TGM2: variants seen among roughly 807,000 people sequenced by gnomAD.
TGM2 encodes transglutaminase 2.
A neutral mutation model predicts 75.6 loss-of-function variants in TGM2; 53 were observed. The observed-to-expected ratio is 0.70, with a 90% CI of 0.56 to 0.88. TGM2 has a LOEUF of 0.88. TGM2 is among the 40% of genes least tolerant of loss of function. TGM2 has a pLI of 0.00. For synonymous variants in TGM2, 374 were observed against 381.1 expected, an observed-to-expected ratio of 0.98 and a Z score of 0.22; for missense variants, 842 against 928.5, an observed-to-expected ratio of 0.91 and a Z score of 1.21.
At chr20:38,132,638 A>C (rs1458713897) in intron 10 of TGM2, 138 bp from the exon 11 acceptor site, 2 of 1,189,048 alleles carry the variant, frequency 1.7e-6, no homozygotes, top group African/African-American at 1.5e-5. Flanking sequence ...GGATCCCTGA[A>C]CTCCCCACTG....
Position 38,129,979 on chromosome 20 carries a change from G to A in TGM2, c.*240C>T. ...TCTCACCCCAGCCCCAGTCAGCCAA[G>A]GTCAGGGCTCCCACTGTTTCTGGCA... is the stretch of plus-strand genomic sequence containing the variant. On this transcript the variant is annotated 3_prime_UTR_variant, in exon 13 of 13. Transcript: ENST00000361475. 1.7e-6 allele frequency: 1 copy of A among 582,672 alleles called. No homozygotes were observed. Among genetic ancestry groups the A allele is most frequent in the Non-Finnish European group, 3.0e-6 (1 of 329,960 alleles). 36.1% of individuals were successfully genotyped at this position (582,672 alleles called of 1,614,324 possible). A position where few individuals can be genotyped will look rare whatever the true frequency, so the allele number is the denominator to read the frequency against.
intron 2 of TGM2, among the ~76,000 whole-genome samples, chr20:38,160,766 T>C (rs1466262624): frequency 2.0e-5 from 3 of 152,160 alleles, no homozygotes; most frequent in Non-Finnish European, 2.9e-5. Context: ...CCTGGCTGGG[T>C]TGCGTGGATT....
chr20:38,130,611 C>T (rs975752740), intron 12 of TGM2, among the ~76,000 whole-genome samples: 7 of 152,206 alleles, frequency 4.6e-5, no homozygotes. Context: ...AGGGGATAGG[C>T]TCAGGTAGCC....
At chr20:38,157,925 G>A (rs1443750409) in intron 2 of TGM2, among the ~76,000 whole-genome samples, 2 of 152,206 alleles carry the variant, frequency 1.3e-5, no homozygotes, top group Non-Finnish European at 2.9e-5. Flanking sequence ...GGACTGGAGT[G>A]GAATGTAGAA....
chr20:38,134,668 T>A (rs1403114733), intron 10 of TGM2, among the ~76,000 whole-genome samples: 2 of 152,150 alleles, frequency 1.3e-5, no homozygotes, highest in Non-Finnish European at 2.9e-5. Context: ...ATTGGCTGCA[T>A]TCCTGTGACC....
intron 11 of TGM2, among the ~76,000 whole-genome samples, chr20:38,131,484 T>C (rs1435336198): frequency 6.6e-6 from 1 of 151,964 alleles, no homozygotes; most frequent in African/African-American, 2.4e-5. Flanking sequence ...GCCTCCCTTG[T>C]CCCAGGGTCT....
intron 2 of TGM2, among the ~76,000 whole-genome samples, chr20:38,156,411 G>T (rs1421992595): frequency 6.6e-6 from 1 of 152,274 alleles, no homozygotes; most frequent in Non-Finnish European, 1.5e-5. Flanking sequence ...GCAATGATGT[G>T]ACTCGGGACA....
chr20:38,138,467 C>T (rs1331608889), intron 9 of TGM2, 82 bp from the exon 10 acceptor site: 3 of 1,606,184 alleles, frequency 1.9e-6, no homozygotes, highest in East Asian at 4.5e-5. Flanking sequence ...GCTGTCTTCG[C>T]AGAGGCCTGA....
At chr20:38,163,197 G>A (rs1281856844) in intron 1 of TGM2, among the ~76,000 whole-genome samples, 1 of 152,160 alleles carries the variant, frequency 6.6e-6, no homozygotes, top group Non-Finnish European at 1.5e-5. Flanking sequence ...CATAAACCTT[G>A]GCAAGCTCAA....
At chr20:38,131,003 G>C in intron 12 of TGM2, 90 bp downstream of exon 12, 1 of 1,587,164 alleles carries the variant, frequency 6.3e-7, no homozygotes, top group South Asian at 1.1e-5. Flanking sequence ...GGGATTTTCA[G>C]CCAGGGCTTG....
At chr20:38,132,573 G>T in intron 10 of TGM2, 73 bp from the exon 11 acceptor site, 1 of 1,577,594 alleles carries the variant, frequency 6.3e-7, no homozygotes, top group Non-Finnish European at 8.7e-7. Flanking sequence ...ACTCCAAGAG[G>T]CACAGAGAGG....
intron 4 of TGM2, 137 bp from the exon 5 acceptor site, chr20:38,148,226 A>T: frequency 8.8e-7 from 1 of 1,138,842 alleles, no homozygotes; most frequent in African/African-American, 1.5e-5. Flanking sequence ...GAGTCTACCA[A>T]ATCTCTCTGG....
Position 38,132,240 on chromosome 20 carries a change from G to C in TGM2, c.1776+100C>G, listed in dbSNP as rs1600477108. On this transcript the variant is annotated intron_variant, in intron 11 of 12. Transcript: ENST00000361475. ...ATCGCTAAGGCACCAAAGGTCTGGAGCTTGCAGGGATGCAGGTGTGTGGGG... is the reference window on the plus strand; with the variant it reads ...ATCGCTAAGGCACCAAAGGTCTGGACCTTGCAGGGATGCAGGTGTGTGGGG... 20 of 1,391,778 alleles carry C rather than the reference G, an allele frequency of 1.4e-5. No individual in the cohort carries two copies. The East Asian group carries it at 4.6e-4, about 32-fold the overall frequency. The allele number at this position is 1,391,778 out of a possible 1,614,324, so 86.2% of individuals were successfully genotyped here.
intron 3 of TGM2, among the ~76,000 whole-genome samples, chr20:38,154,970 G>A (rs1193515022): frequency 6.6e-6 from 1 of 152,238 alleles, no homozygotes; most frequent in Non-Finnish European, 1.5e-5. Flanking sequence ...GCCAGGCGTG[G>A]TGGCACATGC....
intron 5 of TGM2, 21 bp from the exon 6 acceptor site, chr20:38,146,915 C>T (rs1213630421): frequency 1.7e-5 from 27 of 1,609,258 alleles, no homozygotes; most frequent in South Asian, 2.2e-5. Flanking sequence ...TGGGGCAGCA[C>T]GGGGACTGAG....
In TGM2 at chr20:38,155,835, C is replaced by T. The variant is rs45561138; in HGVS notation, c.433+12G>A. 4.1e-3 allele frequency: 6,587 copies of T among 1,593,094 alleles called. 24 individuals carry two copies. The highest frequency in any genetic ancestry group is 0.011 in the Middle Eastern group (64 of 6,034). ...CCACCCCAACGCTGTGAGTGGATGG[C>T]GTGTGGCTCACCTGGGCACCAGGCG... On this transcript the variant is annotated intron_variant, in intron 3 of 12. Coordinates refer to ENST00000361475, the MANE Select transcript of TGM2 (RefSeq NM_004613.4).
chr20:38,161,708 A>C, intron 1 of TGM2, 109 bp from the exon 2 acceptor site: 4 of 1,305,246 alleles, frequency 3.1e-6, no homozygotes, highest in Non-Finnish European at 4.4e-6. Flanking sequence ...ACTCCCCACA[A>C]AGCACAGCCA....
chr20:38,155,929 G>A lies in TGM2; in HGVS notation c.351C>T (p.Leu117=), dbSNP rs760316318. 6.2e-7 allele frequency: 1 copy of A among 1,611,390 alleles called. No individual in the cohort carries two copies. Among genetic ancestry groups the A allele is most frequent in the South Asian group, 1.1e-5 (1 of 90,318 alleles). The change falls in exon 3 of 13, where the codon CTC becomes CTT. Residue 117 remains leucine (L), a synonymous_variant. Coordinates refer to ENST00000361475, the MANE Select transcript of TGM2 (RefSeq NM_004613.4). ...GGTAGCCAGTGGAGGCCTCCAGGCT[G>A]AGGCGATACAGGCCGATGGGGGCGT... The part of the protein sequence containing the change: ...PANAPIGLYR[L]SLEASTGYQG...
intron 2 of TGM2, among the ~76,000 whole-genome samples, chr20:38,156,960 G>A (rs2075195827): frequency 6.6e-6 from 1 of 152,174 alleles, no homozygotes; most frequent in South Asian, 2.1e-4. Context: ...ACAGTGATGG[G>A]CACACTCTCA....
Sources: gnomAD v4.1 joint callset for allele counts (sites outside exome capture counted in the v4.1 genomes callset) on GRCh38, gnomAD v4.1.1 for gene constraint, MANE v1.5 for transcripts, NCBI Gene and HGNC (gene_info 2026-07-23, HGNC 2026-07-21) for gene names.